Variants in CATSPERG observed in about 807,000 individuals in gnomAD.
CATSPERG encodes catsper channel auxiliary subunit gamma.
A neutral mutation model predicts 145.0 loss-of-function variants in CATSPERG; 115 were observed. The ratio of observed to expected loss-of-function variants is 0.79; its 90% CI spans 0.68 to 0.93. The LOEUF is 0.93. Ranked by LOEUF, CATSPERG falls within the 40% of genes least tolerant of loss-of-function variation. The probability of loss-of-function intolerance (pLI) is 0.00; values close to 1 mark genes in which losing one functional copy is unlikely to be tolerated. For missense variants in CATSPERG, 1,296 were observed against 1,490.1 expected (o/e 0.87, Z 2.14); for synonymous variants, 588 against 589.0 (o/e 1.00, Z 0.02).
At chr19:38,350,913 C>G (rs1397671337) in intron 7 of CATSPERG, among the ~76,000 whole-genome samples, 3 of 152,116 alleles carry the variant, frequency 2.0e-5, no homozygotes, top group Non-Finnish European at 4.4e-5. Context: ...CGCTGGAACC[C>G]GGGAGGCAGA....
intron 28 of CATSPERG, 88 bp downstream of exon 28, chr19:38,370,346 C>T: frequency 7.0e-7 from 1 of 1,427,464 alleles, no homozygotes; most frequent in Middle Eastern, 1.8e-4. Context: ...CTCATTCATT[C>T]CTTTATTCAC....
intron 7 of CATSPERG, 88 bp downstream of exon 7, chr19:38,346,693 AG>A: frequency 8.0e-7 from 1 of 1,250,218 alleles, no homozygotes. Context: ...CTGGGGCTCT[AG>A]AAGTCCCCAA....
chr19:38,369,937 G>T, intron 26 of CATSPERG, 35 bp from the exon 27 acceptor site: 2 of 1,602,834 alleles, frequency 1.2e-6, no homozygotes, highest in Non-Finnish European at 1.7e-6. Flanking sequence ...ACTAGGCATG[G>T]TTGGTAGCAC....
At position 38,370,598 on chromosome 19, in the gene CATSPERG, A is replaced by T. The variant is rs1057336858; in HGVS notation, c.3286A>T (p.Lys1096Ter). ...AFCLLWPLVV[K>*]GCTMIRWKIN... Reference sequence around the variant, plus strand: ...CTGCCTCCTGTGGCCCCTCGTGGTGAAGGGCTGCACGATGATCCGGTGGAA... The same window carrying T: ...CTGCCTCCTGTGGCCCCTCGTGGTGTAGGGCTGCACGATGATCCGGTGGAA... The change falls in exon 29 of 29, where the codon AAG becomes TAG. Residue 1096 changes from lysine to a stop codon, truncating the protein, a stop_gained. Coordinates refer to ENST00000409235, the MANE Select transcript of CATSPERG (RefSeq NM_021185.5). LOFTEE classifies it low-confidence loss of function (END_TRUNC). 2.5e-6 allele frequency: 4 copies of T among 1,614,090 alleles called. No homozygotes were observed. Among genetic ancestry groups the T allele is most frequent in the Admixed American group, 1.7e-5 (1 of 60,014 alleles).
chr19:38,339,370 C>T (rs1969899094), intron 3 of CATSPERG, among the ~76,000 whole-genome samples: 1 of 152,130 alleles, frequency 6.6e-6, no homozygotes, highest in Non-Finnish European at 1.5e-5. Flanking sequence ...GGTAGGCTTC[C>T]ACCCTTTAGC....
At position 38,364,949 on chromosome 19, in the gene CATSPERG, T is replaced by A. The variant is rs377045758; in HGVS notation, c.2534T>A (p.Met845Lys). 2.2e-5 allele frequency: 36 copies of A among 1,613,954 alleles called. No individual in the cohort carries two copies. Among genetic ancestry groups the A allele is most frequent in the Non-Finnish European group, 2.9e-5 (34 of 1,179,912 alleles). The change falls in exon 21 of 29, where the codon ATG (methionine) becomes AAG (lysine). Residue 845 changes from methionine (M) to lysine (K), a missense_variant. Coordinates refer to ENST00000409235, the MANE Select transcript of CATSPERG (RefSeq NM_021185.5). ...YDQGISGHHLMETSMTVNVVG... is the reference protein window; with the variant it reads ...YDQGISGHHLKETSMTVNVVG... ...CAAGGCATTAGTGGACATCACCTTA[T>A]GGAGACTTCCATGACGGTCAATGTG...
intron 6 of CATSPERG, among the ~76,000 whole-genome samples, chr19:38,345,557 T>C (rs1183467470): frequency 6.6e-6 from 1 of 151,146 alleles, no homozygotes; most frequent in African/African-American, 2.4e-5. Flanking sequence ...CAGGCTGGAG[T>C]GCAGTGGTGC....
chr19:38,362,787 G>C lies in CATSPERG; in HGVS notation c.2430G>C (p.Ser810=). The C allele has an allele frequency of 6.2e-7, 1 of 1,614,170 alleles. No individual in the cohort carries two copies. The highest frequency in any genetic ancestry group is 1.3e-5 in the African/African-American group (1 of 75,044). Residue 810 remains serine (S), a synonymous_variant, in exon 20 of 29, where the codon TCG becomes TCC. Transcript: ENST00000409235. ...CCGACCCCGGCTGCATCGAGGCCTC[G>C]GTGAAGCAGGAGGTCCTGATTAATC... ...VLADPGCIEA[S]VKQEVLINRN...
intron 7 of CATSPERG, among the ~76,000 whole-genome samples, chr19:38,351,691 G>C (rs1163321524): frequency 6.6e-6 from 1 of 152,078 alleles, no homozygotes; most frequent in Admixed American, 6.6e-5. Context: ...AGGATTGCTT[G>C]AGCACAGGAG....
chr19:38,344,872 CACACACACACATATAT>C (rs987423765), intron 6 of CATSPERG, among the ~76,000 whole-genome samples: 2 of 89,016 alleles, frequency 2.2e-5, no homozygotes, highest in Non-Finnish European at 4.9e-5. Context: ...CACACACACA[CACACACACACATATAT>C]ATATATATAT....
Position 38,337,684 on chromosome 19 carries a change from C to T in CATSPERG, c.324+38C>T, listed in dbSNP as rs1969865648. 2.0e-6 allele frequency: 3 copies of T among 1,498,750 alleles called. No homozygotes were observed. The South Asian group carries it at 3.7e-5, about 19-fold the overall frequency. The allele number at this position is 1,498,750 out of a possible 1,614,324, so 92.8% of individuals were successfully genotyped here. A position where few individuals can be genotyped will look rare whatever the true frequency, so the allele number is the denominator to read the frequency against. ...AGCACGGATAGGCTCATTCTATGAG[C>T]CTTGGTTTTCCCACCTCTAACATTT... On this transcript the variant is annotated intron_variant, in intron 3 of 28. Transcript: ENST00000409235.
intron 6 of CATSPERG, 35 bp downstream of exon 6, chr19:38,344,403 C>A: frequency 1.3e-6 from 2 of 1,534,826 alleles, no homozygotes; most frequent in South Asian, 1.2e-5. Context: ...AGACAATGGT[C>A]TGGGCCTTAG....
At chr19:38,336,990 G>A (rs118054998) in intron 1 of CATSPERG, 16,666 of 590,594 alleles carry the variant, frequency 0.028, 297 homozygotes, top group South Asian at 0.049. Flanking sequence ...AGCAAGTGCA[G>A]AGGCGGAGCC....
chr19:38,342,104 A>C (rs929293047), intron 3 of CATSPERG, among the ~76,000 whole-genome samples: 37 of 149,020 alleles, frequency 2.5e-4, no homozygotes, highest in South Asian at 1.1e-3. Flanking sequence ...AGCCAGGTGC[A>C]GTGGCTTACA....
intron 8 of CATSPERG, among the ~76,000 whole-genome samples, chr19:38,353,267 G>A (rs1022684764): frequency 6.6e-6 from 1 of 151,984 alleles, no homozygotes; most frequent in Non-Finnish European, 1.5e-5. Flanking sequence ...CCAGGAAGCA[G>A]AGCTTGCAGT....
intron 3 of CATSPERG, among the ~76,000 whole-genome samples, chr19:38,338,443 C>T (rs1345892579): frequency 2.0e-5 from 3 of 152,164 alleles, no homozygotes; most frequent in Non-Finnish European, 4.4e-5. Context: ...CCACCTCACC[C>T]GGCCTTGTTC....
intron 1 of CATSPERG, among the ~76,000 whole-genome samples, chr19:38,336,843 G>T (rs530089241): frequency 2.8e-5 from 4 of 142,662 alleles, no homozygotes; most frequent in African/African-American, 1.0e-4. Flanking sequence ...ACGTGGAGGC[G>T]GCGGGGCGGA....
At chr19:38,345,278 G>A (rs1568373140) in intron 6 of CATSPERG, among the ~76,000 whole-genome samples, 1 of 149,830 alleles carries the variant, frequency 6.7e-6, no homozygotes, top group Non-Finnish European at 1.5e-5. Flanking sequence ...TTTATTTTTT[G>A]TAGAGGCAAG....
intron 17 of CATSPERG, 150 bp downstream of exon 17, chr19:38,362,011 G>C: frequency 1.1e-6 from 1 of 896,612 alleles, no homozygotes. Flanking sequence ...GCGGGGCCTG[G>C]CTTGAGCAGG....
Sources: gnomAD v4.1 joint callset for allele counts (sites outside exome capture counted in the v4.1 genomes callset) on GRCh38, gnomAD v4.1.1 for gene constraint, MANE v1.5 for transcripts, NCBI Gene and HGNC (gene_info 2026-07-23, HGNC 2026-07-21) for gene names.